CDK12: variants seen among roughly 807,000 people sequenced by gnomAD.
CDK12 encodes cyclin-dependent kinase 12.
Under a neutral mutation model 133.8 loss-of-function variants are expected in CDK12, and 17 were observed. The observed-to-expected ratio is 0.13, with a 90% CI of 0.09 to 0.19. CDK12 has a LOEUF of 0.19. Ranked by LOEUF, CDK12 falls within the 10% of genes least tolerant of loss-of-function variation. The pLI is 1.00. For missense variants in CDK12, 1,508 were observed against 1,818.7 expected, an observed-to-expected ratio of 0.83 and a Z score of 3.11; for synonymous variants, 694 against 683.6, an observed-to-expected ratio of 1.02 and a Z score of -0.24.
intron 2 of CDK12, among the ~76,000 whole-genome samples, chr17:39,486,253 C>CTTTTTTTTTTTTTT (rs35710234): frequency 1.2e-5 from 1 of 86,512 alleles, no homozygotes. Flanking sequence ...CACCCTGCCT[C>CTTTTTTTTTTTTTT]TTTTTTTTTT....
intron 9 of CDK12, among the ~76,000 whole-genome samples, chr17:39,517,202 A>C (rs1010533166): frequency 6.6e-6 from 1 of 152,160 alleles, no homozygotes; most frequent in Non-Finnish European, 1.5e-5. Context: ...AATAATGTGG[A>C]TCATTTAGGA....
chr17:39,477,056 T>C (rs1022343715), intron 2 of CDK12, among the ~76,000 whole-genome samples: 5 of 151,518 alleles, frequency 3.3e-5, no homozygotes, highest in African/African-American at 1.2e-4. Flanking sequence ...AGTCTCACTC[T>C]GTTGCCCAGG....
chr17:39,526,071 C>T lies in CDK12; in HGVS notation c.3515C>T (p.Thr1172Ile). Residue 1172 changes from threonine to isoleucine, a missense_variant, in exon 13 of 14, where the codon ACC becomes ATC. Physicochemically the swap from Thr to Ile is moderately conservative, Grantham distance 89. This residue lies in a region of CDK12 where 399 missense variants were observed against 469.6 expected (regional missense o/e 0.85). Coordinates refer to ENST00000447079, the MANE Select transcript of CDK12 (RefSeq NM_016507.4). The part of the protein sequence containing the change: ...EATSQQQDSE[T>I]MAPEESLKEA... ...ACTTCCCAGCAGCAGGACTCAGAGA[C>T]CATGGCCCCAGAGGAGTCTTTGAAG... The T allele has an allele frequency of 6.2e-7, 1 of 1,614,200 alleles. No individual in the cohort carries two copies. Among genetic ancestry groups the T allele is most frequent in the Non-Finnish European group, 8.5e-7 (1 of 1,180,014 alleles).
intron 4 of CDK12, among the ~76,000 whole-genome samples, 160 bp from the exon 5 acceptor site, chr17:39,494,364 C>T (rs773122244): frequency 1.2e-4 from 18 of 152,178 alleles, no homozygotes; most frequent in Non-Finnish European, 1.9e-4. Context: ...TGAGCCAGTG[C>T]GCCTGGCCTA....
At chr17:39,534,666 C>G (rs79326181), downstream of CDK12, 1,748 of 203,710 alleles carry the variant, frequency 8.6e-3, 29 homozygotes, top group African/African-American at 0.037. Flanking sequence ...TCATTATAGA[C>G]TCATTAACTC....
At chr17:39,475,896 T>C (rs2050155553) in intron 2 of CDK12, among the ~76,000 whole-genome samples, 1 of 151,870 alleles carries the variant, frequency 6.6e-6, no homozygotes, top group African/African-American at 2.4e-5. Flanking sequence ...AAAATATAGA[T>C]AGATAAAAGC....
chr17:39,462,809 T>C lies in CDK12; in HGVS notation c.738T>C (p.Tyr246=), dbSNP rs1181132428. The change falls in exon 1 of 14, where the codon TAT becomes TAC. Residue 246 remains tyrosine, a synonymous_variant. Coordinates refer to ENST00000447079, the MANE Select transcript of CDK12 (RefSeq NM_016507.4). The stretch of plus-strand genomic sequence containing the variant: ...CGGGAGCTTCTTATGGCCAAGATTA[T>C]GACCTTAGTCCCTCACGATCTCATA... ...SPSGASYGQD[Y]DLSPSRSHTS... is the part of the protein sequence containing the mutation. The C allele has an allele frequency of 6.2e-7, 1 of 1,614,086 alleles. No homozygotes were observed. Among genetic ancestry groups the C allele is most frequent in the African/African-American group, 1.3e-5 (1 of 74,930 alleles).
At chr17:39,487,659 C>G (rs2051244015) in intron 2 of CDK12, among the ~76,000 whole-genome samples, 1 of 146,876 alleles carries the variant, frequency 6.8e-6, no homozygotes, top group African/African-American at 2.6e-5. Flanking sequence ...CCCTGTCACC[C>G]AGGCTGGAGT....
Position 39,471,545 on chromosome 17 carries a change from A to G in CDK12, c.1713A>G (p.Pro571=). The G allele has an allele frequency of 6.2e-7, 1 of 1,611,272 alleles. No homozygotes were observed. The highest frequency in any genetic ancestry group is 1.1e-5 in the South Asian group (1 of 91,002). The change falls in exon 2 of 14, where the codon CCA becomes CCG. Residue 571 remains proline (P), a synonymous_variant. Transcript: ENST00000447079. ...PQQPPLPPSQ[P]AFSQVPASST... ...AACCACCTCTGCCTCCTTCTCAGCCAGCATTTAGTCAGGTTCCTGCTTCCA... is the reference window on the plus strand; with the variant it reads ...AACCACCTCTGCCTCCTTCTCAGCCGGCATTTAGTCAGGTTCCTGCTTCCA...
chr17:39,556,060 G>T (rs561790889), intron 2 of CDK12, among the ~76,000 whole-genome samples: 13 of 148,898 alleles, frequency 8.7e-5, no homozygotes, highest in Non-Finnish European at 1.6e-4. Context: ...AAGAAAACAT[G>T]CCACGATGCC....
At chr17:39,519,881 C>G in intron 10 of CDK12, 75 bp from the exon 11 acceptor site, 1 of 1,570,470 alleles carries the variant, frequency 6.4e-7, no homozygotes, top group South Asian at 1.1e-5. Flanking sequence ...GGTGTGAGAC[C>G]CTTTGAAACA....
intron 3 of CDK12, among the ~76,000 whole-genome samples, chr17:39,564,478 G>C (rs1222841478): frequency 6.6e-6 from 1 of 152,178 alleles, no homozygotes; most frequent in South Asian, 2.1e-4. Context: ...CCTGGGGAAA[G>C]GGCTGGTCTT....
intron 2 of CDK12, among the ~76,000 whole-genome samples, chr17:39,480,074 C>T (rs2050519458): frequency 6.6e-6 from 1 of 151,878 alleles, no homozygotes; most frequent in Non-Finnish European, 1.5e-5. Flanking sequence ...TAGGCCCCCG[C>T]CATCACGCCT....
chr17:39,493,100 C>A (rs1256955528), intron 4 of CDK12, among the ~76,000 whole-genome samples: 3 of 151,962 alleles, frequency 2.0e-5, no homozygotes, highest in East Asian at 3.9e-4. Context: ...TCACACCATT[C>A]TCCTGCCTCA....
intron 1 of CDK12, among the ~76,000 whole-genome samples, chr17:39,466,314 AAAAAAAAAGAAAG>A (rs1347900600): frequency 6.6e-6 from 1 of 150,846 alleles, no homozygotes; most frequent in Non-Finnish European, 1.5e-5. Context: ...TCTCAAAAAA[AAAAAAAAAGAAAG>A]AAAAAGGCCA....
downstream of CDK12, among the ~76,000 whole-genome samples, chr17:39,565,367 G>A (rs2144720047): frequency 6.6e-6 from 1 of 152,014 alleles, no homozygotes; most frequent in East Asian, 1.9e-4. Flanking sequence ...GCCCACCTCA[G>A]CCTCCCAAAG....
At chr17:39,509,802 G>A in intron 7 of CDK12, 41 bp downstream of exon 7, 1 of 1,470,718 alleles carries the variant, frequency 6.8e-7, no homozygotes. Context: ...AATAAGGTTT[G>A]TTTTGTTTTG....
At chr17:39,555,881 A>G (rs964270602) in intron 2 of CDK12, among the ~76,000 whole-genome samples, 12 of 121,808 alleles carry the variant, frequency 9.9e-5, no homozygotes, top group Non-Finnish European at 1.2e-4. Context: ...ACACACACAC[A>G]CACAAAGCCA....
At chr17:39,554,708 G>A (rs764652163) in intron 2 of CDK12, among the ~76,000 whole-genome samples, 1 of 151,924 alleles carries the variant, frequency 6.6e-6, no homozygotes, top group Non-Finnish European at 1.5e-5. Flanking sequence ...GTGAAACGCC[G>A]TCTCTACTAA....
Sources: allele counts gnomAD v4.1 joint callset (sites outside exome capture counted in the v4.1 genomes callset), GRCh38; gene constraint gnomAD v4.1.1; regional missense constraint gnomAD v4.1.1; transcripts MANE v1.5; gene names NCBI Gene and HGNC (gene_info 2026-07-23, HGNC 2026-07-21).